Variants in CNTNAP3 observed in about 807,000 individuals in gnomAD.
The protein encoded by CNTNAP3 is contactin-associated protein-like 3.
A neutral mutation model predicts 92.1 loss-of-function variants in CNTNAP3; 36 were observed. The observed-to-expected ratio is 0.39, with a 90% CI of 0.30 to 0.52. The LOEUF (loss-of-function observed/expected upper bound fraction) is 0.52. Among genes scored for constraint, CNTNAP3 ranks in the 20% least tolerant of loss-of-function variants. CNTNAP3 has a pLI of 0.76. For synonymous variants in CNTNAP3, 232 were observed against 422.3 expected, an observed-to-expected ratio of 0.55 and a Z score of 5.53; for missense variants, 534 against 1,069.6, an observed-to-expected ratio of 0.50 and a Z score of 6.98.
At chr9:39,077,636 A>G (rs1825815419) in intron 23 of CNTNAP3, among the ~76,000 whole-genome samples, 1 of 152,046 alleles carries the variant, frequency 6.6e-6, no homozygotes, top group Admixed American at 6.5e-5. Context: ...GGAGTATCTA[A>G]ATCATACTAT....
chr9:39,103,727 C>T lies in CNTNAP3; in HGVS notation c.2536+17G>A. ...AATAATGGGTACCCTGTGACTTGTC[C>T]AGAGTGGCGAGCTTACCACGCAGCT... is the stretch of plus-strand genomic sequence containing the variant. On this transcript the variant is annotated intron_variant, in intron 16 of 23. Coordinates refer to ENST00000297668, the MANE Select transcript of CNTNAP3 (RefSeq NM_033655.5). 5 of 1,608,338 alleles carry T rather than the reference C, an allele frequency of 3.1e-6. No individual in the cohort carries two copies. Among genetic ancestry groups the T allele is most frequent in the Non-Finnish European group, 3.4e-6 (4 of 1,178,958 alleles).
At chr9:39,116,942 C>G (rs1389358544) in intron 14 of CNTNAP3, among the ~76,000 whole-genome samples, 2 of 151,962 alleles carry the variant, frequency 1.3e-5, no homozygotes, top group Non-Finnish European at 2.9e-5. Context: ...ATGTCCAAAT[C>G]AATTATACTG....
rs1379750768 is a variant in CNTNAP3, at chr9:39,140,512, A to G, written c.1876+7T>C. On this transcript the variant is annotated splice_region_variant and intron_variant, in intron 12 of 23. Coordinates refer to ENST00000297668, the MANE Select transcript of CNTNAP3 (RefSeq NM_033655.5). Reference sequence around the variant, plus strand: ...CTGATATATGCATATAACGATTATCAACATACCTGTCATATTGCAGTACAC... The same window carrying G: ...CTGATATATGCATATAACGATTATCGACATACCTGTCATATTGCAGTACAC... 6.2e-7 allele frequency: 1 copy of G among 1,613,392 alleles called. No individual in the cohort carries two copies. The highest frequency in any genetic ancestry group is 8.5e-7 in the Non-Finnish European group (1 of 1,179,698).
At chr9:39,077,489 G>A (rs1313791052) in intron 23 of CNTNAP3, among the ~76,000 whole-genome samples, 9 of 152,144 alleles carry the variant, frequency 5.9e-5, no homozygotes, top group African/African-American at 1.9e-4. Flanking sequence ...CCCGGGAGGC[G>A]GAGCTTGCAG....
intron 23 of CNTNAP3, among the ~76,000 whole-genome samples, chr9:39,074,451 C>T (rs979534033): frequency 8.7e-5 from 13 of 149,318 alleles, no homozygotes; most frequent in Non-Finnish European, 1.9e-4. Context: ...AACACCAAAA[C>T]TCAGAAATGC....
chr9:39,162,716 C>G (rs1260535939), intron 9 of CNTNAP3, among the ~76,000 whole-genome samples: 1 of 138,514 alleles, frequency 7.2e-6, no homozygotes, highest in Non-Finnish European at 1.5e-5. Flanking sequence ...AACACAGGAA[C>G]AGAAAACCAA....
intron 16 of CNTNAP3, 70 bp downstream of exon 16, chr9:39,103,674 T>C: frequency 2.1e-6 from 3 of 1,453,488 alleles, no homozygotes; most frequent in Admixed American, 2.3e-5. Flanking sequence ...AATACTAACA[T>C]TTTGTTGAGT....
rs145184252 is a variant in CNTNAP3 at position 39,130,494 on chromosome 9, T to C, written c.2080+2438A>G. ...GTTATTAACGAGCAATAGGAGGAAT[T>C]CTTTTTTTTTTTTTTTTTTTTTTGA... is the stretch of plus-strand genomic sequence containing the variant. On this transcript the variant is annotated intron_variant, in intron 13 of 23. Transcript: ENST00000297668. Among the ~76,000 whole-genome samples the C allele has an allele frequency of 2.7e-3, 392 of 146,318 alleles. 4 individuals carry two copies. Among genetic ancestry groups the C allele is most frequent in the African/African-American group, 9.5e-3 (367 of 38,832 alleles).
intron 13 of CNTNAP3, among the ~76,000 whole-genome samples, chr9:39,127,960 T>A (rs1373950649): frequency 2.6e-5 from 4 of 152,124 alleles, no homozygotes; most frequent in Non-Finnish European, 4.4e-5. Flanking sequence ...TGCCTCAGCC[T>A]CCTGAGTAGC....
chr9:39,144,178 A>G, intron 11 of CNTNAP3, 62 bp downstream of exon 11: 11 of 1,478,732 alleles, frequency 7.4e-6, no homozygotes, highest in Non-Finnish European at 9.9e-6. Flanking sequence ...CATATAAACA[A>G]CTAATCAAAA....
Position 39,217,358 on chromosome 9 carries a change from G to GTATATATA in CNTNAP3, c.390+21627_390+21634dup, listed in dbSNP as rs58203008. Among the ~76,000 whole-genome samples, 30 of 4,240 alleles carry GTATATATA rather than the reference G, an allele frequency of 7.1e-3. 2 individuals are homozygous for GTATATATA. Among genetic ancestry groups the GTATATATA allele is most frequent in the Admixed American group, 0.025 (4 of 160 alleles). 2.8% of individuals were successfully genotyped at this position (4,240 alleles called of 152,430 possible). On this transcript the variant is annotated intron_variant, in intron 3 of 23. Coordinates refer to ENST00000297668, the MANE Select transcript of CNTNAP3 (RefSeq NM_033655.5). ...CTAGAAATATTTCATATTTACATGA[G>GTATATATA]TATATATATATATATATATATATAT... is the stretch of plus-strand genomic sequence containing the variant.
rs1395771421 is a variant in CNTNAP3 at position 39,068,777 on chromosome 9, G to A, written c.*5113C>T. Among the ~76,000 whole-genome samples the A allele has an allele frequency of 6.6e-6, 1 of 152,308 alleles. No homozygotes were observed. The highest frequency in any genetic ancestry group is 2.4e-5 in the African/African-American group (1 of 41,484). The stretch of plus-strand genomic sequence containing the variant: ...GCTATCTATCTCCATTGTCACTGCT[G>A]TCTCAAATTCTCTCAAGTTGTAAGC... On this transcript the variant is annotated 3_prime_UTR_variant, in exon 24 of 24. Coordinates refer to ENST00000297668, the MANE Select transcript of CNTNAP3 (RefSeq NM_033655.5).
chr9:39,067,254 A>G lies in CNTNAP3; in HGVS notation c.*6636T>C, dbSNP rs1825528898. Among the ~76,000 whole-genome samples, 1 of 152,310 alleles carries G rather than the reference A, an allele frequency of 6.6e-6. No individual in the cohort carries two copies. The highest frequency in any genetic ancestry group is 1.5e-5 in the Non-Finnish European group (1 of 68,056). ...TGAAAATACGGAATATAGTCATAAT[A>G]TTTTTCATTAGTAATTCTAACATCT... On this transcript the variant is annotated 3_prime_UTR_variant, in exon 24 of 24. Transcript: ENST00000297668.
At chr9:39,122,403 C>A (rs1821051423) in intron 13 of CNTNAP3, among the ~76,000 whole-genome samples, 1 of 151,860 alleles carries the variant, frequency 6.6e-6, no homozygotes, top group South Asian at 2.1e-4. Context: ...GTATACGATG[C>A]TTCTCCTCTT....
At chr9:39,091,778 C>A (rs1253340518) in intron 18 of CNTNAP3, among the ~76,000 whole-genome samples, 2 of 151,750 alleles carry the variant, frequency 1.3e-5, no homozygotes, top group African/African-American at 4.8e-5. Context: ...AAGAATACTT[C>A]TTATTTAAAT....
chr9:39,110,505 T>TG (rs1826719842), intron 14 of CNTNAP3, among the ~76,000 whole-genome samples: 1 of 152,186 alleles, frequency 6.6e-6, no homozygotes, highest in Non-Finnish European at 1.5e-5. Flanking sequence ...TATTTTAGTC[T>TG]CTGCCTTCTG....
chr9:39,146,450 G>C (rs1821701674), intron 10 of CNTNAP3, among the ~76,000 whole-genome samples: 1 of 152,216 alleles, frequency 6.6e-6, no homozygotes, highest in African/African-American at 2.4e-5. Context: ...AGCACTTTGG[G>C]AAGCTGACGC....
At chr9:39,083,863 ATATT>A (rs553194371) in intron 21 of CNTNAP3, among the ~76,000 whole-genome samples, 342 of 151,784 alleles carry the variant, frequency 2.3e-3, no homozygotes, top group African/African-American at 7.9e-3. Context: ...TAAAAAGCTT[ATATT>A]TAAATAGGTT....
chr9:39,095,600 C>T (rs1376292098), intron 18 of CNTNAP3, among the ~76,000 whole-genome samples: 2 of 144,422 alleles, frequency 1.4e-5, no homozygotes, highest in African/African-American at 5.0e-5. Flanking sequence ...TTTTTCCCCT[C>T]TCATTCTATT....
Sources: gnomAD v4.1 joint callset for allele counts (sites outside exome capture counted in the v4.1 genomes callset) on GRCh38, gnomAD v4.1.1 for gene constraint, MANE v1.5 for transcripts, NCBI Gene and HGNC (gene_info 2026-07-23, HGNC 2026-07-21) for gene names.